Variants in ZNF451 observed in about 807,000 individuals in gnomAD.
The protein encoded by ZNF451 is zinc finger protein 451.
In ZNF451, 80 loss-of-function variants were observed where a neutral mutation model predicts 107.1. That is an observed-to-expected ratio of 0.75 (90% CI 0.62 to 0.90). The LOEUF is 0.90. ZNF451 is among the 40% of genes least tolerant of loss of function. ZNF451 has a pLI of 0.00. For missense variants in ZNF451, 1,107 were observed against 1,236.2 expected, an observed-to-expected ratio of 0.90 and a Z score of 1.57; for synonymous variants, 362 against 406.5, an observed-to-expected ratio of 0.89 and a Z score of 1.32.
Position 57,147,363 on chromosome 6 carries a change from A to G in ZNF451, c.1278A>G (p.Ser426=), listed in dbSNP as rs1832118547. ...TGTTGGATCAATCAAAATTTTCATC[A>G]CTTAAAAGAACCATGTCTATTAAAG... is the stretch of plus-strand genomic sequence containing the variant. ...HLLLDQSKFS[S]LKRTMSIKES... Residue 426 remains serine, a synonymous_variant, in exon 10 of 15, where the codon TCA becomes TCG. Transcript: ENST00000370706. The G allele has an allele frequency of 1.2e-6, 2 of 1,614,002 alleles. No homozygotes were observed. The highest frequency in any genetic ancestry group is 1.7e-6 in the Non-Finnish European group (2 of 1,179,996).
Position 57,150,714 on chromosome 6 carries a change from C to T in ZNF451, c.2609-5C>T, listed in dbSNP as rs1832303021. On this transcript the variant is annotated splice_polypyrimidine_tract_variant and splice_region_variant and intron_variant, in intron 10 of 14. Coordinates refer to ENST00000370706, the MANE Select transcript of ZNF451 (RefSeq NM_001031623.3). ...GAACTCATGTTGATATTTCTCTCTT[C>T]TCAGAGGAAGAAATTGTTGAGCTTC... The T allele has an allele frequency of 1.3e-5, 21 of 1,596,500 alleles. No individual in the cohort carries two copies. Among genetic ancestry groups the T allele is most frequent in the Non-Finnish European group, 1.8e-5 (21 of 1,173,176 alleles).
In ZNF451 at chr6:57,124,852, C is replaced by T; in HGVS notation, c.305C>T (p.Ala102Val). The change falls in exon 4 of 15, where the codon GCA (alanine) becomes GTA (valine). Residue 102 changes from alanine (A) to valine (V), a missense_variant. Ala to Val is a moderately conservative substitution (Grantham distance 64). This residue lies in a region of ZNF451 where 339 missense variants were observed against 372.8 expected (regional missense o/e 0.91). Transcript: ENST00000370706. ...CAGCAGAAAGAAGAGAAGAATAGAG[C>T]ATTCAGAGTATGTGCTATTTTAATT... ...EKQQKEEKNR[A>V]FREKIDFQHA... The T allele has an allele frequency of 2.5e-6, 4 of 1,595,370 alleles. No individual in the cohort carries two copies. The highest frequency in any genetic ancestry group is 3.4e-6 in the Non-Finnish European group (4 of 1,170,528).
Position 57,153,897 on chromosome 6 carries a change from C to G in ZNF451, c.2920C>G (p.Pro974Ala), listed in dbSNP as rs1307712429. The change falls in exon 13 of 15, where the codon CCT becomes GCT. Residue 974 changes from proline (P) to alanine (A), a missense_variant. Pro to Ala is a conservative substitution (Grantham distance 27). Coordinates refer to ENST00000370706, the MANE Select transcript of ZNF451 (RefSeq NM_001031623.3). ...AGATGAACAACTACCCAAGCAAATTCCTTTCACCATCCTCTCAGGAGATCA... is the reference window on the plus strand; with the variant it reads ...AGATGAACAACTACCCAAGCAAATTGCTTTCACCATCCTCTCAGGAGATCA... Reference protein sequence around the residue: ...RLDEQLPKQIPFTILSGDQGF... With the variant: ...RLDEQLPKQIAFTILSGDQGF... 6.2e-7 allele frequency: 1 copy of G among 1,614,040 alleles called. No homozygotes were observed. The highest frequency in any genetic ancestry group is 8.5e-7 in the Non-Finnish European group (1 of 1,180,038).
intron 3 of ZNF451, chr6:57,101,807 C>G (rs1359882148): frequency 4.5e-6 from 7 of 1,550,474 alleles, no homozygotes; most frequent in Non-Finnish European, 2.6e-6. Context: ...CTTCGACTTA[C>G]ATCTCTCACT....
chr6:57,102,006 C>G, intron 3 of ZNF451: 1 of 1,550,450 alleles, frequency 6.4e-7, no homozygotes. Context: ...ATAGAGGATA[C>G]TCCAAAGGGG....
chr6:57,097,629 CAT>C (rs1593075593), intron 2 of ZNF451, among the ~76,000 whole-genome samples: 2 of 152,186 alleles, frequency 1.3e-5, no homozygotes, highest in African/African-American at 4.8e-5. Flanking sequence ...TTTCTGGCCA[CAT>C]TTAACACTGA....
intron 7 of ZNF451, among the ~76,000 whole-genome samples, chr6:57,135,917 C>T (rs1056427941): frequency 6.6e-6 from 1 of 152,256 alleles, no homozygotes; most frequent in African/African-American, 2.4e-5. Context: ...TTGCTTCTAT[C>T]TAGAGCTATA....
At chr6:57,098,048 C>A (rs1031889247) in intron 2 of ZNF451, among the ~76,000 whole-genome samples, 1 of 150,480 alleles carries the variant, frequency 6.6e-6, no homozygotes, top group Non-Finnish European at 1.5e-5. Flanking sequence ...TGGCTCACTG[C>A]AACTGCTGCC....
chr6:57,138,739 ATATGTGTG>A (rs1308114528), intron 7 of ZNF451, among the ~76,000 whole-genome samples: 12 of 73,252 alleles, frequency 1.6e-4, no homozygotes, highest in South Asian at 4.6e-4. Context: ...ATATATATAT[ATATGTGTG>A]TGTGTGTGTG....
At chr6:57,118,986 A>G (rs955636798) in intron 3 of ZNF451, among the ~76,000 whole-genome samples, 7 of 152,194 alleles carry the variant, frequency 4.6e-5, no homozygotes, top group African/African-American at 1.7e-4. Flanking sequence ...GGTTACTTCT[A>G]TCTAAAGTGG....
chr6:57,147,224 A>G lies in ZNF451; in HGVS notation c.1139A>G (p.His380Arg). 4 of 1,614,108 alleles carry G rather than the reference A, an allele frequency of 2.5e-6. No individual in the cohort carries two copies. Among genetic ancestry groups the G allele is most frequent in the Non-Finnish European group, 3.4e-6 (4 of 1,179,972 alleles). ...GTGGATGAAACCAGCACCCAAAATCATAAGCAGAATTCAGGACACAAAGTC... is the reference window on the plus strand; with the variant it reads ...GTGGATGAAACCAGCACCCAAAATCGTAAGCAGAATTCAGGACACAAAGTC... ...VFVDETSTQN[H>R]KQNSGHKVRV... Residue 380 changes from histidine to arginine, a missense_variant, in exon 10 of 15, where the codon CAT becomes CGT. Transcript: ENST00000370706.
chr6:57,091,705 AACG>A (rs2127927533), intron 2 of ZNF451, among the ~76,000 whole-genome samples: 1 of 152,304 alleles, frequency 6.6e-6, no homozygotes, highest in African/African-American at 2.4e-5. Context: ...CCAGGCAGAA[AACG>A]GTTCTGTCCC....
chr6:57,098,092 C>A (rs1247291605), intron 2 of ZNF451, among the ~76,000 whole-genome samples: 1 of 150,928 alleles, frequency 6.6e-6, no homozygotes, highest in African/African-American at 2.4e-5. Context: ...GCCTCAGCCT[C>A]CTGAGTAGCT....
At chr6:57,128,659 T>G (rs1451290234) in intron 4 of ZNF451, 70 bp from the exon 5 acceptor site, 1 of 956,492 alleles carries the variant, frequency 1.0e-6, no homozygotes, top group Non-Finnish European at 1.6e-6. Flanking sequence ...TGATCACTAA[T>G]GTGTCAAAAT....
chr6:57,099,270 G>C, intron 3 of ZNF451, 129 bp downstream of exon 3: 1 of 706,900 alleles, frequency 1.4e-6, no homozygotes, highest in Non-Finnish European at 2.5e-6. Context: ...GGCTAAAATA[G>C]GTAGTCCAAG....
At chr6:57,164,416 T>G (rs1763810386) in intron 14 of ZNF451, among the ~76,000 whole-genome samples, 1 of 152,206 alleles carries the variant, frequency 6.6e-6, no homozygotes, top group East Asian at 1.9e-4. Context: ...ATGATGATCA[T>G]TATGCCATTA....
intron 7 of ZNF451, among the ~76,000 whole-genome samples, chr6:57,136,949 A>G (rs1562614020): frequency 6.6e-6 from 1 of 152,206 alleles, no homozygotes; most frequent in Non-Finnish European, 1.5e-5. Flanking sequence ...AGGCTTTGGT[A>G]TCAGACAGAC....
intron 10 of ZNF451, among the ~76,000 whole-genome samples, chr6:57,150,308 T>A (rs1265331317): frequency 2.6e-5 from 4 of 152,152 alleles, no homozygotes; most frequent in East Asian, 1.9e-4. Flanking sequence ...AGAACCAAAT[T>A]CTGGTGGTGA....
At position 57,128,852 on chromosome 6, in the gene ZNF451, A is replaced by G. The variant is rs370646781; in HGVS notation, c.424+12A>G. The G allele has an allele frequency of 1.4e-5, 22 of 1,588,966 alleles. No individual in the cohort carries two copies. The highest frequency in any genetic ancestry group is 4.1e-5 in the African/African-American group (3 of 73,984). ...GCTAAAAATGCCAGGTATTCTTTAGAAATTACACTAAGGTTACCTAGCTTC... is the reference window on the plus strand; with the variant it reads ...GCTAAAAATGCCAGGTATTCTTTAGGAATTACACTAAGGTTACCTAGCTTC... On this transcript the variant is annotated intron_variant, in intron 5 of 14. Coordinates refer to ENST00000370706, the MANE Select transcript of ZNF451 (RefSeq NM_001031623.3).
Sources: gnomAD v4.1 joint callset for allele counts (sites outside exome capture counted in the v4.1 genomes callset) on GRCh38, gnomAD v4.1.1 for gene constraint, gnomAD v4.1.1 regional missense constraint, MANE v1.5 for transcripts, NCBI Gene and HGNC (gene_info 2026-07-23, HGNC 2026-07-21) for gene names.